The following PALM2AKAP2 variants were observed in gnomAD, a reference collection of about 807,000 sequenced individuals.
PALM2AKAP2 encodes the protein PALM2 and AKAP2 fusion.
A neutral mutation model predicts 71.5 loss-of-function variants in PALM2AKAP2; 37 were observed. That is an observed-to-expected ratio of 0.52 (90% CI 0.40 to 0.68). The LOEUF is 0.68. PALM2AKAP2 is among the 30% of genes least tolerant of loss of function. PALM2AKAP2 has a pLI of 0.00. For missense variants in PALM2AKAP2, 1,224 were observed against 1,191.8 expected (o/e 1.03, Z -0.40); for synonymous variants, 468 against 478.8 (o/e 0.98, Z 0.29).
chr9:109,914,420 A>C (rs1830639979), intron 3 of PALM2AKAP2, among the ~76,000 whole-genome samples: 1 of 152,262 alleles, frequency 6.6e-6, no homozygotes, highest in Non-Finnish European at 1.5e-5. Context: ...TGCCCAGCTC[A>C]GCCACAGGAA....
chr9:110,148,094 A>T (rs1836223427), intron 2 of PALM2AKAP2, among the ~76,000 whole-genome samples: 1 of 152,180 alleles, frequency 6.6e-6, no homozygotes, highest in South Asian at 2.1e-4. Flanking sequence ...CACACAGCCA[A>T]GCCCACCATG....
intron 6 of PALM2AKAP2, among the ~76,000 whole-genome samples, chr9:110,014,804 ATGTATATATATATATATATATATATAT>A (rs1832948279): frequency 2.3e-4 from 1 of 4,294 alleles, no homozygotes; most frequent in Non-Finnish European, 5.8e-4. Context: ...AAAAAAAAAA[ATGTATATATATATATATATATATATAT>A]ATATATATAT....
chr9:109,874,366 A>C (rs1340028004), intron 2 of PALM2AKAP2, among the ~76,000 whole-genome samples: 1 of 152,278 alleles, frequency 6.6e-6, no homozygotes, highest in Non-Finnish European at 1.5e-5. Flanking sequence ...ACACAGAGGC[A>C]AGATAGTAGA....
intron 1 of PALM2AKAP2, among the ~76,000 whole-genome samples, chr9:109,713,679 T>C (rs1472000464): frequency 6.6e-6 from 1 of 152,122 alleles, no homozygotes; most frequent in Non-Finnish European, 1.5e-5. Flanking sequence ...GGTGTATGAC[T>C]CCAACTATGT....
chr9:109,785,621 G>A (rs1274132598), intron 1 of PALM2AKAP2, among the ~76,000 whole-genome samples: 1 of 152,242 alleles, frequency 6.6e-6, no homozygotes, highest in Non-Finnish European at 1.5e-5. Context: ...GACTGGAAAT[G>A]AGAGCTTGTG....
rs141671103 is a variant in PALM2AKAP2, at chr9:110,021,608, T to C, written c.582+5569T>C. The stretch of plus-strand genomic sequence containing the variant: ...TTATAAATTGTTTTTTACCTGTTCT[T>C]GTTTTGGGAGAACCACTAACTTTTT... On this transcript the variant is annotated intron_variant, in intron 7 of 9. Transcript: ENST00000302798. 3.5e-3 allele frequency among the ~76,000 whole-genome samples: 528 copies of C among 152,334 alleles called. 8 individuals carry two copies. Among genetic ancestry groups the C allele is most frequent in the East Asian group, 8.3e-3 (43 of 5,190 alleles).
At position 110,151,682 on chromosome 9, in the gene PALM2AKAP2, A is replaced by C. The variant is rs1377155737; in HGVS notation, c.2570-4637A>C. ...AAACTCCTTCAAAGGCTTAAGTCTA[A>C]AATTACTCCAGATGGAATAGTTTGA... On this transcript the variant is annotated intron_variant, in intron 2 of 3. Coordinates refer to ENST00000374525, the Ensembl canonical transcript of PALM2AKAP2. Among the ~76,000 whole-genome samples the C allele has an allele frequency of 3.3e-5, 5 of 152,236 alleles. No individual in the cohort carries two copies. In the South Asian group the frequency reaches 6.2e-4, roughly 19 times the overall value.
chr9:110,155,803 G>A (rs62578882), intron 2 of PALM2AKAP2, among the ~76,000 whole-genome samples: 22,575 of 152,186 alleles, frequency 0.15, 1,817 homozygotes, highest in Middle Eastern at 0.21. Flanking sequence ...AAAAGCCTGG[G>A]CAGGTCAGCA....
upstream of PALM2AKAP2, among the ~76,000 whole-genome samples, chr9:110,045,269 A>G (rs900000405): frequency 6.6e-6 from 1 of 152,242 alleles, no homozygotes; most frequent in African/African-American, 2.4e-5. Context: ...TATTTCTCTC[A>G]CATAATTAAT....
rs571649354 is a variant in PALM2AKAP2, at chr9:109,967,646, G to A, written c.496+35618G>A. ...GCTGGTCTCAAACTCCTGAATTCAG[G>A]TGATCTGCCCGCCTTGGCCTCCCAA... On this transcript the variant is annotated intron_variant, in intron 6 of 9. Transcript: ENST00000302798. Among the ~76,000 whole-genome samples the A allele has an allele frequency of 2.6e-5, 4 of 152,316 alleles. No individual in the cohort carries two copies. The South Asian group carries it at 6.2e-4, about 24-fold the overall frequency.
chr9:110,053,544 A>AAG (rs1564280812), intron 1 of PALM2AKAP2, among the ~76,000 whole-genome samples: 2 of 150,564 alleles, frequency 1.3e-5, no homozygotes, highest in Non-Finnish European at 1.5e-5. Context: ...AAAAAAAAAA[A>AAG]AAAAGAAAAA....
At chr9:110,024,554 T>G (rs1158251507) in intron 7 of PALM2AKAP2, among the ~76,000 whole-genome samples, 2 of 152,146 alleles carry the variant, frequency 1.3e-5, no homozygotes, top group Non-Finnish European at 2.9e-5. Flanking sequence ...AAGGCCAAAG[T>G]GGGTAGATCA....
intron 1 of PALM2AKAP2, among the ~76,000 whole-genome samples, chr9:109,691,913 T>C (rs7868027): frequency 0.017 from 1,320 of 78,798 alleles, 35 homozygotes; most frequent in South Asian, 0.037. Context: ...CACACACACA[T>C]ATATATATAT....
exon 4 of PALM2AKAP2, chr9:110,170,310 G>T (rs1836831116): frequency 6.6e-6 from 1 of 152,138 alleles, no homozygotes; most frequent in Non-Finnish European, 1.5e-5. Flanking sequence ...AATCATTTTT[G>T]TTTTTATATT....
intron 2 of PALM2AKAP2, among the ~76,000 whole-genome samples, chr9:110,140,304 G>A (rs1375398805): frequency 2.6e-5 from 4 of 152,148 alleles, no homozygotes; most frequent in South Asian, 2.1e-4. Context: ...AGATGTCCCC[G>A]TTTTCCTTTG....
intron 1 of PALM2AKAP2, among the ~76,000 whole-genome samples, chr9:109,723,772 T>G (rs1431909126): frequency 1.3e-5 from 2 of 152,206 alleles, no homozygotes; most frequent in Non-Finnish European, 2.9e-5. Flanking sequence ...AGGCATGAGC[T>G]AAAACAAATT....
In PALM2AKAP2 at chr9:109,765,716, A is replaced by G. The variant is rs113424538; in HGVS notation, c.6-14772A>G. Among the ~76,000 whole-genome samples the G allele has an allele frequency of 2.1e-3, 315 of 152,326 alleles. 1 individual carries two copies. Among genetic ancestry groups the G allele is most frequent in the African/African-American group, 7.0e-3 (290 of 41,576 alleles). ...CTTCTCAAACTTGAATTGTGCACAG[A>G]TCACTAGGGCAGTTTGTAAAAAATG... is the stretch of plus-strand genomic sequence containing the variant. On this transcript the variant is annotated intron_variant, in intron 1 of 6. Coordinates refer to the PALM2AKAP2 transcript ENST00000374531.
chr9:109,666,003 G>A (rs760224710), intron 1 of PALM2AKAP2, among the ~76,000 whole-genome samples: 2 of 152,232 alleles, frequency 1.3e-5, no homozygotes, highest in African/African-American at 2.4e-5. Context: ...AGCCAGGTAC[G>A]GGAGAGAATC....
chr9:110,053,541 A>G (rs1178342321), intron 1 of PALM2AKAP2, among the ~76,000 whole-genome samples: 41 of 150,292 alleles, frequency 2.7e-4, no homozygotes, highest in South Asian at 6.3e-4. Flanking sequence ...AAAAAAAAAA[A>G]AAAAAAAGAA....
Sources: allele counts gnomAD v4.1 joint callset (sites outside exome capture counted in the v4.1 genomes callset), GRCh38; gene constraint gnomAD v4.1.1; transcripts MANE v1.5; gene names NCBI Gene and HGNC (gene_info 2026-07-23, HGNC 2026-07-21).